The following C2 variants were observed in gnomAD, a reference collection of about 807,000 sequenced individuals.
C2 encodes complement C2, also known as C3/C5 convertase.
In C2, 64 loss-of-function variants were observed where a neutral mutation model predicts 85.2. That is an observed-to-expected ratio of 0.75 (90% CI 0.61 to 0.92). The LOEUF (loss-of-function observed/expected upper bound fraction) is 0.92, where lower values mean the gene tolerates loss of function less well. Ranked by LOEUF, C2 falls within the 40% of genes least tolerant of loss-of-function variation. The pLI, the probability that C2 is intolerant of heterozygous loss-of-function variation, is 0.00. For synonymous variants in C2, 311 were observed against 370.8 expected (o/e 0.84, Z 1.85); for missense variants, 820 against 971.6 (o/e 0.84, Z 2.07).
upstream of C2, among the ~76,000 whole-genome samples, chr6:31,899,425 C>T (rs1246972697): frequency 6.6e-6 from 1 of 152,006 alleles, no homozygotes; most frequent in East Asian, 1.9e-4. Context: ...GAACTGTCTC[C>T]CACTTCCTTT....
At chr6:31,923,116 G>GCCAT (rs1336522839), upstream of C2, among the ~76,000 whole-genome samples, 3 of 152,146 alleles carry the variant, frequency 2.0e-5, no homozygotes, top group Non-Finnish European at 2.9e-5. Flanking sequence ...AAATAGAGAA[G>GCCAT]CCAAGGTCGC....
At chr6:31,930,669 C>T (rs1236720460) in intron 3 of C2, among the ~76,000 whole-genome samples, 1 of 152,162 alleles carries the variant, frequency 6.6e-6, no homozygotes, top group East Asian at 1.9e-4. Context: ...ACAGAAGACA[C>T]GGAGTCCACA....
At position 31,943,500 on chromosome 6, in the gene C2, G is replaced by C; in HGVS notation, c.1540G>C (p.Asp514His). Reference protein sequence around the residue: ...TAAHCFRDGNDHSLWRVNVGD... With the variant: ...TAAHCFRDGNHHSLWRVNVGD... ...AGCTCATTGCTTCCGCGATGGCAAC[G>C]ACCACTCCCTGTGGAGGGTCAATGT... is the stretch of plus-strand genomic sequence containing the variant. Residue 514 changes from aspartate (D) to histidine (H), a missense_variant, in exon 12 of 18, where the codon GAC (aspartate) becomes CAC (histidine). By Grantham distance (81) the Asp-to-His change is moderately conservative. Transcript: ENST00000299367. The surrounding 1 kb of genome is among the most constrained non-coding windows in gnomAD (Gnocchi z 6.4). The C allele has an allele frequency of 6.2e-7, 1 of 1,613,006 alleles. No individual in the cohort carries two copies. The highest frequency in any genetic ancestry group is 8.5e-7 in the Non-Finnish European group (1 of 1,180,020).
At chr6:31,912,240 C>T (rs1194947483) in intron 1 of C2, among the ~76,000 whole-genome samples, 2 of 152,302 alleles carry the variant, frequency 1.3e-5, no homozygotes, top group East Asian at 3.9e-4. Context: ...AGCAGTTGTA[C>T]ACCAGCCATG....
In C2 at chr6:31,944,673, A is replaced by G; in HGVS notation, c.1903-54A>G. On this transcript the variant is annotated intron_variant, in intron 15 of 17. Coordinates refer to ENST00000299367, the MANE Select transcript of C2 (RefSeq NM_000063.6). The surrounding 1 kb of genome is among the most constrained non-coding windows in gnomAD (Gnocchi z 5.1). ...TGAGATTACAGGCGTGAGCCACTGC[A>G]CCCACCCGGGTCTGCTTATTCTACC... The G allele has an allele frequency of 1.2e-6, 2 of 1,608,778 alleles. No individual in the cohort carries two copies. The highest frequency in any genetic ancestry group is 1.7e-6 in the Non-Finnish European group (2 of 1,177,138).
At chr6:31,928,521 T>C (rs1270470659) in intron 2 of C2, among the ~76,000 whole-genome samples, 1 of 152,162 alleles carries the variant, frequency 6.6e-6, no homozygotes, top group Non-Finnish European at 1.5e-5. Flanking sequence ...AAGTGGCTAT[T>C]TATCAATCAG....
intron 9 of C2, among the ~76,000 whole-genome samples, chr6:31,942,297 C>T (rs950225483): frequency 6.7e-6 from 1 of 148,160 alleles, no homozygotes; most frequent in African/African-American, 2.5e-5. Context: ...AGAGCTCACC[C>T]TAATCTAGTA....
chr6:31,914,319 G>A (rs914057861), intron 1 of C2, among the ~76,000 whole-genome samples: 5 of 151,848 alleles, frequency 3.3e-5, no homozygotes, highest in Admixed American at 6.6e-5. Flanking sequence ...GTGGCCGGGC[G>A]CGGTGGCTCA....
chr6:31,940,745 T>G (rs1770813226), intron 9 of C2, among the ~76,000 whole-genome samples: 1 of 152,174 alleles, frequency 6.6e-6, no homozygotes, highest in Admixed American at 6.5e-5. Context: ...CAAAAACATT[T>G]TATTGAAAAT....
At chr6:31,923,365 G>A (rs1478649071), upstream of C2, among the ~76,000 whole-genome samples, 1 of 152,204 alleles carries the variant, frequency 6.6e-6, no homozygotes, top group African/African-American at 2.4e-5. Context: ...ATTTCCAAAG[G>A]CATGAACCAC....
chr6:31,902,171 G>A (rs1767379955), intron 1 of C2, among the ~76,000 whole-genome samples: 1 of 145,088 alleles, frequency 6.9e-6, no homozygotes, highest in African/African-American at 2.6e-5. Flanking sequence ...AGGGCCGGAC[G>A]GCCTTGCCTC....
chr6:31,939,373 G>A, intron 9 of C2, 53 bp downstream of exon 9: 1 of 1,315,222 alleles, frequency 7.6e-7, no homozygotes, highest in Non-Finnish European at 1.1e-6. Flanking sequence ...GAGGTCATGA[G>A]ATCTTCAGCC....
chr6:31,944,905 T>A lies in C2; in HGVS notation c.2029+52T>A. On this transcript the variant is annotated intron_variant, in intron 16 of 17. Transcript: ENST00000299367. The surrounding 1 kb of genome is among the most constrained non-coding windows in gnomAD (Gnocchi z 5.1). The stretch of plus-strand genomic sequence containing the variant: ...CCAAGGGGAAGGCCACCTGTGTCTC[T>A]GTGGCCAGCATGCATGCCAGAACAC... 6.2e-7 allele frequency: 1 copy of A among 1,612,296 alleles called. No homozygotes were observed. The highest frequency in any genetic ancestry group is 8.5e-7 in the Non-Finnish European group (1 of 1,179,286).
At chr6:31,931,388 T>G (rs1385705732) in intron 3 of C2, among the ~76,000 whole-genome samples, 2 of 151,290 alleles carry the variant, frequency 1.3e-5, no homozygotes, top group Admixed American at 1.3e-4. Context: ...GTCTCTGGTT[T>G]TCCTAGGCAG....
At chr6:31,934,384 C>A in intron 6 of C2, 85 bp downstream of exon 6, 2 of 1,559,346 alleles carry the variant, frequency 1.3e-6, no homozygotes, top group Non-Finnish European at 1.8e-6. Flanking sequence ...CAGAACCCCA[C>A]TCACAGCCCA....
intron 2 of C2, 41 bp from the exon 3 acceptor site, chr6:31,928,691 C>T (rs754645319): frequency 6.2e-7 from 1 of 1,601,040 alleles, no homozygotes; most frequent in Admixed American, 1.7e-5. Flanking sequence ...AGGTGTTATC[C>T]ATCCAGTCCT....
At chr6:31,934,453 T>C (rs1272990940) in intron 6 of C2, 154 bp downstream of exon 6, 1 of 1,263,696 alleles carries the variant, frequency 7.9e-7, no homozygotes, top group Non-Finnish European at 1.1e-6. Flanking sequence ...ATGAATTCAA[T>C]TTATACAATC....
rs1350465675 is a variant in C2, at chr6:31,933,865, A to G, written c.617-2A>G. 1.2e-6 allele frequency: 2 copies of G among 1,614,034 alleles called. No homozygotes were observed. The highest frequency in any genetic ancestry group is 8.5e-7 in the Non-Finnish European group (1 of 1,179,974). On this transcript the variant is annotated splice_acceptor_variant, in intron 4 of 17. Transcript: ENST00000299367. LOFTEE classifies it high-confidence loss of function. Reference sequence around the variant, plus strand: ...CTGACTCCTGTGTGGCTCTCCCCACAGAACCCTACTCTTATGACTTCCCTG... The same window carrying G: ...CTGACTCCTGTGTGGCTCTCCCCACGGAACCCTACTCTTATGACTTCCCTG...
At position 31,937,451 on chromosome 6, in the gene C2, T is replaced by C; in HGVS notation, c.1121T>C (p.Leu374Pro). The C allele has an allele frequency of 6.2e-7, 1 of 1,612,864 alleles. No individual in the cohort carries two copies. Among genetic ancestry groups the C allele is most frequent in the Non-Finnish European group, 8.5e-7 (1 of 1,179,976 alleles). ...GAAATCCGACATGCCATCATCCTTCTGACAGATGGTGGGTATCATGGTCTC... is the reference window on the plus strand; with the variant it reads ...GAAATCCGACATGCCATCATCCTTCCGACAGATGGTGGGTATCATGGTCTC... ...WQEIRHAIIL[L>P]TDGKSNMGGS... Residue 374 changes from leucine to proline, a missense_variant, in exon 8 of 18, where the codon CTG (leucine) becomes CCG (proline). Transcript: ENST00000299367.
Sources: allele counts gnomAD v4.1 joint callset (sites outside exome capture counted in the v4.1 genomes callset), GRCh38; gene constraint gnomAD v4.1.1; non-coding constraint Gnocchi (gnomAD v3.1); transcripts MANE v1.5; gene names NCBI Gene and HGNC (gene_info 2026-07-23, HGNC 2026-07-21).